The following LNP1 variants were observed in gnomAD, a reference collection of about 807,000 sequenced individuals.
LNP1 encodes the protein leukemia NUP98 fusion partner 1.
LNP1 carries 12 observed loss-of-function variants against 14.5 expected under a neutral mutation model. The ratio of observed to expected loss-of-function variants is 0.83; its 90% confidence interval spans 0.53 to 1.34. The LOEUF (loss-of-function observed/expected upper bound fraction) is 1.34. LNP1 is among the 40% of genes most tolerant of loss of function. The probability of loss-of-function intolerance (pLI) is 0.00; values close to 1 mark genes in which losing one functional copy is unlikely to be tolerated. For missense variants in LNP1, 198 were observed against 210.9 expected (o/e 0.94, Z 0.38); for synonymous variants, 75 against 71.4 (o/e 1.05, Z -0.26).
chr3:100,439,363 T>C (rs1707323236), intron 2 of LNP1, among the ~76,000 whole-genome samples: 1 of 151,978 alleles, frequency 6.6e-6, no homozygotes, highest in East Asian at 1.9e-4. Context: ...ACATTACCAA[T>C]CTTGGGATAT....
intron 2 of LNP1, 82 bp downstream of exon 2, chr3:100,429,967 G>T: frequency 1.4e-6 from 2 of 1,433,140 alleles, no homozygotes; most frequent in Non-Finnish European, 1.9e-6. Flanking sequence ...AGGAATCTTT[G>T]GATATAAAGT....
chr3:100,411,650 CT>C (rs1390461525), intron 1 of LNP1, among the ~76,000 whole-genome samples: 5 of 152,154 alleles, frequency 3.3e-5, no homozygotes, highest in African/African-American at 4.8e-5. Flanking sequence ...TGAGGGTTCT[CT>C]TCCTGGCTCA....
intron 1 of LNP1, among the ~76,000 whole-genome samples, chr3:100,417,348 TTTTC>T (rs1203434883): frequency 6.6e-4 from 99 of 150,810 alleles, no homozygotes; most frequent in African/African-American, 1.3e-3. Context: ...TACTTTTTCT[TTTTC>T]TTTCTTTCTT....
chr3:100,421,181 T>C (rs1171643323), intron 1 of LNP1, among the ~76,000 whole-genome samples: 1 of 152,166 alleles, frequency 6.6e-6, no homozygotes, highest in African/African-American at 2.4e-5. Context: ...GTTCAATTGC[T>C]CCAAAACCAT....
At chr3:100,449,352 G>C (rs994383541) in intron 2 of LNP1, among the ~76,000 whole-genome samples, 1 of 151,960 alleles carries the variant, frequency 6.6e-6, no homozygotes, top group South Asian at 2.1e-4. Context: ...AATAAATCAG[G>C]TGACACAGTA....
At chr3:100,422,485 C>T (rs1377231795) in intron 1 of LNP1, among the ~76,000 whole-genome samples, 14 of 152,190 alleles carry the variant, frequency 9.2e-5, no homozygotes, top group Admixed American at 7.2e-4. Context: ...AGTAGTAGCT[C>T]GTCTGTTTTA....
chr3:100,402,992 T>A (rs1045071769), intron 1 of LNP1, among the ~76,000 whole-genome samples: 70 of 152,344 alleles, frequency 4.6e-4, no homozygotes, highest in African/African-American at 1.6e-3. Context: ...CTGTTCTGGT[T>A]ACTTTTATAC....
intron 1 of LNP1, among the ~76,000 whole-genome samples, chr3:100,424,454 A>G (rs1392332799): frequency 1.3e-5 from 2 of 152,218 alleles, no homozygotes; most frequent in Non-Finnish European, 2.9e-5. Flanking sequence ...TACAAAGTAC[A>G]CACCTAATTC....
intron 1 of LNP1, among the ~76,000 whole-genome samples, chr3:100,410,160 G>A (rs1485858771): frequency 2.0e-5 from 3 of 152,040 alleles, no homozygotes; most frequent in African/African-American, 7.2e-5. Flanking sequence ...TTTTTGAGGT[G>A]CCTGCTAGAA....
chr3:100,415,715 A>G (rs1707076866), intron 1 of LNP1, among the ~76,000 whole-genome samples: 1 of 152,202 alleles, frequency 6.6e-6, no homozygotes, highest in Admixed American at 6.5e-5. Flanking sequence ...AAAAGTGGAA[A>G]TTACATAAAA....
intron 1 of LNP1, among the ~76,000 whole-genome samples, chr3:100,412,624 G>A (rs1158220984): frequency 1.3e-5 from 2 of 152,216 alleles, no homozygotes; most frequent in Non-Finnish European, 1.5e-5. Context: ...ATCAGAAGCC[G>A]TGTCTGATTT....
At chr3:100,404,803 T>TG (rs1706947782) in intron 1 of LNP1, among the ~76,000 whole-genome samples, 1 of 151,104 alleles carries the variant, frequency 6.6e-6, no homozygotes, top group African/African-American at 2.4e-5. Flanking sequence ...TTTTTTTTTT[T>TG]TTTTTCCAAG....
At chr3:100,443,647 G>C (rs1258588575) in intron 2 of LNP1, among the ~76,000 whole-genome samples, 1 of 152,176 alleles carries the variant, frequency 6.6e-6, no homozygotes, top group Non-Finnish European at 1.5e-5. Context: ...GCGTAGACAA[G>C]TTTGCGGCCA....
At chr3:100,425,230 GTCTTCCCACCGTGGGGAA>G in intron 1 of LNP1, among the ~76,000 whole-genome samples, 1 of 152,204 alleles carries the variant, frequency 6.6e-6, no homozygotes, top group Non-Finnish European at 1.5e-5. Flanking sequence ...CCCCCAGTGT[GTCTTCCCACCGTGGGGAA>G]TTCAGCCTAT....
intron 1 of LNP1, among the ~76,000 whole-genome samples, chr3:100,407,248 C>T (rs1576224156): frequency 1.3e-5 from 2 of 152,308 alleles, no homozygotes; most frequent in South Asian, 4.1e-4. Context: ...GAAGAACACC[C>T]TTTAGCATTT....
intron 2 of LNP1, among the ~76,000 whole-genome samples, chr3:100,438,426 G>T (rs1707312251): frequency 6.6e-6 from 1 of 152,084 alleles, no homozygotes; most frequent in Non-Finnish European, 1.5e-5. Context: ...TTCCTGACTA[G>T]AGCGGTATAT....
At chr3:100,411,169 A>G (rs575982488) in intron 1 of LNP1, among the ~76,000 whole-genome samples, 7 of 152,310 alleles carry the variant, frequency 4.6e-5, no homozygotes, top group African/African-American at 1.7e-4. Context: ...TGGACTTGTT[A>G]CAAAAGCCAT....
intron 2 of LNP1, among the ~76,000 whole-genome samples, chr3:100,449,144 C>T (rs11915169): frequency 0.086 from 13,131 of 152,148 alleles, 583 homozygotes; most frequent in South Asian, 0.1. Flanking sequence ...GTCTTTTAAC[C>T]GGATCTCTGA....
intron 1 of LNP1, among the ~76,000 whole-genome samples, chr3:100,405,662 A>G (rs1433856168): frequency 6.6e-6 from 1 of 152,010 alleles, no homozygotes; most frequent in Non-Finnish European, 1.5e-5. Context: ...TCATGATCTA[A>G]TCACTTCCCA....
Sources: allele counts gnomAD v4.1 joint callset (sites outside exome capture counted in the v4.1 genomes callset), GRCh38; gene constraint gnomAD v4.1.1; transcripts MANE v1.5; gene names NCBI Gene and HGNC (gene_info 2026-07-23, HGNC 2026-07-21).